FAM81A: variants seen among roughly 807,000 people sequenced by gnomAD.
FAM81A encodes family with sequence similarity 81 member A.
In FAM81A, 19 loss-of-function variants were observed where a neutral mutation model predicts 46.7. The observed-to-expected ratio is 0.41, with a 90% CI of 0.28 to 0.60. The LOEUF is 0.60. Ranked by LOEUF, FAM81A falls within the 20% of genes least tolerant of loss-of-function variation. The pLI, the probability that FAM81A is intolerant of heterozygous loss-of-function variation, is 0.34. For synonymous variants in FAM81A, 183 were observed against 152.9 expected (o/e 1.20, Z -1.45); for missense variants, 377 against 453.5 (o/e 0.83, Z 1.53).
chr15:59,463,690 C>T (rs1285320282), intron 3 of FAM81A, among the ~76,000 whole-genome samples: 2 of 151,228 alleles, frequency 1.3e-5, no homozygotes, highest in Non-Finnish European at 2.9e-5. Flanking sequence ...CTAAAAATAA[C>T]AATAATAATA....
chr15:59,492,444 C>G (rs570597922), intron 4 of FAM81A, 55 bp downstream of exon 4: 1 of 1,388,834 alleles, frequency 7.2e-7, no homozygotes, highest in South Asian at 1.2e-5. Context: ...TCTATAAACT[C>G]CATTATAGTG....
At position 59,461,306 on chromosome 15, in the gene FAM81A, T is replaced by TTTTG. The variant is rs1173747796; in HGVS notation, c.294+1124_294+1127dup. Among the ~76,000 whole-genome samples the TTTTG allele has an allele frequency of 2.6e-3, 392 of 152,152 alleles. 2 individuals are homozygous for TTTTG. The highest frequency in any genetic ancestry group is 8.4e-3 in the African/African-American group (348 of 41,508). On this transcript the variant is annotated intron_variant, in intron 3 of 8. Coordinates refer to ENST00000288228, the MANE Select transcript of FAM81A (RefSeq NM_152450.3). ...GGCTTCTTTCTTTCCTTTTCTTTCTTTTTGTTTGTTTGTTTGTTTGTTTGT... is the reference window on the plus strand; with the variant it reads ...GGCTTCTTTCTTTCCTTTTCTTTCTTTTTGTTTGTTTGTTTGTTTGTTTGTTTGT...
chr15:59,503,871 C>T (rs542564997), intron 4 of FAM81A, among the ~76,000 whole-genome samples: 1 of 152,312 alleles, frequency 6.6e-6, no homozygotes, highest in East Asian at 1.9e-4. Flanking sequence ...CTGTGCCCAG[C>T]CCTAGCCACT....
At chr15:59,506,710 C>A (rs1453255840) in intron 4 of FAM81A, among the ~76,000 whole-genome samples, 3 of 152,242 alleles carry the variant, frequency 2.0e-5, no homozygotes, top group Non-Finnish European at 4.4e-5. Context: ...GCCCACAGGG[C>A]AGCAGCTTTT....
At chr15:59,429,913 C>T (rs2081212112) in intron 2 of FAM81A, among the ~76,000 whole-genome samples, 1 of 152,176 alleles carries the variant, frequency 6.6e-6, no homozygotes, top group African/African-American at 2.4e-5. Flanking sequence ...ACAGGGCAGG[C>T]AGGTGGCGAA....
intron 1 of FAM81A, among the ~76,000 whole-genome samples, chr15:59,439,456 G>C (rs2081273913): frequency 2.6e-5 from 4 of 151,986 alleles, no homozygotes; most frequent in Admixed American, 2.6e-4. Context: ...GCGTTGACTG[G>C]TACTAAAAAG....
At chr15:59,428,761 G>C (rs2081206423) in intron 2 of FAM81A, among the ~76,000 whole-genome samples, 1 of 149,960 alleles carries the variant, frequency 6.7e-6, no homozygotes, top group Non-Finnish European at 1.5e-5. Flanking sequence ...CTCCCAAGTA[G>C]CTGGAATTAG....
At chr15:59,515,517 A>T (rs1263365853) in intron 7 of FAM81A, among the ~76,000 whole-genome samples, 8 of 152,082 alleles carry the variant, frequency 5.3e-5, no homozygotes, top group Non-Finnish European at 8.8e-5. Flanking sequence ...TCATGCCATA[A>T]CCCACTTACA....
intron 3 of FAM81A, among the ~76,000 whole-genome samples, chr15:59,483,417 C>CT (rs1482981273): frequency 6.0e-5 from 9 of 150,844 alleles, no homozygotes; most frequent in Admixed American, 1.3e-4. Flanking sequence ...TTCCTAATTT[C>CT]TTTTTTTTTA....
chr15:59,425,488 A>G (rs1455268629), intron 2 of FAM81A, among the ~76,000 whole-genome samples: 1 of 152,164 alleles, frequency 6.6e-6, no homozygotes, highest in Non-Finnish European at 1.5e-5. Context: ...AATTGCTAAA[A>G]TAGTTTTTTT....
At chr15:59,413,222 T>A (rs80057554) in intron 2 of FAM81A, among the ~76,000 whole-genome samples, 1,844 of 152,088 alleles carry the variant, frequency 0.012, 18 homozygotes, top group Non-Finnish European at 0.018. Context: ...TTTGAATAAT[T>A]TCACTGGGCT....
chr15:59,510,348 A>T (rs1696347849), intron 6 of FAM81A, among the ~76,000 whole-genome samples: 1 of 149,776 alleles, frequency 6.7e-6, no homozygotes, highest in South Asian at 2.1e-4. Flanking sequence ...CAGCCTGGGC[A>T]ATAGAATAGG....
intron 2 of FAM81A, among the ~76,000 whole-genome samples, chr15:59,421,181 C>T (rs1338123731): frequency 1.3e-5 from 2 of 152,190 alleles, no homozygotes; most frequent in Non-Finnish European, 2.9e-5. Flanking sequence ...ACTCTGCATT[C>T]CTAACAGTAG....
intron 2 of FAM81A, among the ~76,000 whole-genome samples, chr15:59,419,822 G>A (rs1324630042): frequency 1.3e-5 from 2 of 148,306 alleles, no homozygotes; most frequent in African/African-American, 2.5e-5. Flanking sequence ...GGATTGCAGG[G>A]AGCCGAGATC....
At chr15:59,474,095 C>G (rs1289286943) in intron 3 of FAM81A, among the ~76,000 whole-genome samples, 3 of 152,186 alleles carry the variant, frequency 2.0e-5, no homozygotes, top group African/African-American at 7.2e-5. Flanking sequence ...TTTCCTTTCC[C>G]TCAGTGTATC....
intron 3 of FAM81A, among the ~76,000 whole-genome samples, chr15:59,467,506 G>T (rs2081629027): frequency 6.6e-6 from 1 of 152,128 alleles, no homozygotes; most frequent in Non-Finnish European, 1.5e-5. Context: ...TTGGCTCTCT[G>T]TTTGTCTGTT....
chr15:59,434,212 A>C (rs890607074), upstream of FAM81A, among the ~76,000 whole-genome samples: 5 of 152,204 alleles, frequency 3.3e-5, no homozygotes, highest in Non-Finnish European at 1.5e-5. Flanking sequence ...GAATGGTAGA[A>C]TTTAGATTGA....
intron 1 of FAM81A, among the ~76,000 whole-genome samples, chr15:59,444,932 A>G (rs1271255322): frequency 2.0e-5 from 3 of 152,214 alleles, no homozygotes; most frequent in African/African-American, 7.2e-5. Flanking sequence ...TGTAGCTATC[A>G]GTGATAATAA....
At chr15:59,497,394 C>G (rs757817534) in intron 4 of FAM81A, among the ~76,000 whole-genome samples, 3 of 151,662 alleles carry the variant, frequency 2.0e-5, no homozygotes, top group Non-Finnish European at 4.4e-5. Flanking sequence ...TGCAGTGAGC[C>G]GAGGTTGTGC....
Sources: allele counts gnomAD v4.1 joint callset (sites outside exome capture counted in the v4.1 genomes callset), GRCh38; gene constraint gnomAD v4.1.1; transcripts MANE v1.5; gene names NCBI Gene and HGNC (gene_info 2026-07-23, HGNC 2026-07-21).